Variants in CSPP1 observed in about 807,000 individuals in gnomAD.
The protein encoded by CSPP1 is centrosome and spindle pole associated protein 1.
A neutral mutation model predicts 164.4 loss-of-function variants in CSPP1; 126 were observed. The observed-to-expected ratio is 0.77, with a 90% confidence interval of 0.66 to 0.89. The LOEUF is 0.89. CSPP1 is among the 40% of genes least tolerant of loss of function. The pLI is 0.00. For missense variants in CSPP1, 1,395 were observed against 1,449.8 expected (o/e 0.96, Z 0.61); for synonymous variants, 472 against 476.7 (o/e 0.99, Z 0.13).
At position 67,175,314 on chromosome 8, in the gene CSPP1, A is replaced by C. The variant is rs371720718; in HGVS notation, c.2987A>C (p.Asp996Ala). 1.4e-5 allele frequency: 22 copies of C among 1,611,120 alleles called. No individual in the cohort carries two copies. The African/African-American group carries it at 2.9e-4, about 22-fold the overall frequency. The change falls in exon 26 of 31, where the codon GAT becomes GCT. Residue 996 changes from aspartate (D) to alanine (A), a missense_variant. Physicochemically the swap from Asp to Ala is moderately radical, Grantham distance 126. Transcript: ENST00000678616. ...ATACCAGATTCAGAAACACGAGTTG[A>C]TCTGAAATTTATGTACCTGGATCCT... ...LKDRDSETRV[D>A]LKFMYLDPPR...
intron 16 of CSPP1, chr8:67,135,698 A>C (rs1822114422): frequency 6.6e-6 from 1 of 152,188 alleles, no homozygotes; most frequent in Admixed American, 6.5e-5. Flanking sequence ...CTTTCTTATC[A>C]TTCATATGTT....
At chr8:67,178,383 A>G (rs1256678692) in intron 27 of CSPP1, among the ~76,000 whole-genome samples, 2 of 152,248 alleles carry the variant, frequency 1.3e-5, no homozygotes. Flanking sequence ...TTCAATCAAC[A>G]AATATTTATT....
At chr8:67,082,655 T>C (rs1278889760) in intron 3 of CSPP1, among the ~76,000 whole-genome samples, 2 of 152,228 alleles carry the variant, frequency 1.3e-5, no homozygotes, top group Non-Finnish European at 2.9e-5. Flanking sequence ...ATTTGTTTCA[T>C]AGAGTAATTA....
chr8:67,185,020 G>C (rs1345446409), intron 28 of CSPP1, among the ~76,000 whole-genome samples: 3 of 149,420 alleles, frequency 2.0e-5, no homozygotes, highest in Non-Finnish European at 4.4e-5. Flanking sequence ...CAGGAGAATG[G>C]CGTGAACCCG....
chr8:67,110,483 CCTT>C (rs1289531540), intron 9 of CSPP1, among the ~76,000 whole-genome samples: 1 of 151,896 alleles, frequency 6.6e-6, no homozygotes, highest in Non-Finnish European at 1.5e-5. Flanking sequence ...CAGTTTATAT[CCTT>C]CTTAGTTTGT....
chr8:67,131,639 G>C (rs1821254728), intron 15 of CSPP1, among the ~76,000 whole-genome samples: 1 of 152,140 alleles, frequency 6.6e-6, no homozygotes, highest in African/African-American at 2.4e-5. Flanking sequence ...TATTATTTCT[G>C]TTTGTTCAGG....
intron 3 of CSPP1, among the ~76,000 whole-genome samples, chr8:67,078,187 T>G (rs1808354247): frequency 6.6e-6 from 1 of 152,240 alleles, no homozygotes; most frequent in South Asian, 2.1e-4. Context: ...TGCTTTGGAT[T>G]GGGCTGTGAT....
At chr8:67,188,703 C>T (rs1192174741) in intron 28 of CSPP1, among the ~76,000 whole-genome samples, 1 of 152,210 alleles carries the variant, frequency 6.6e-6, no homozygotes, top group Non-Finnish European at 1.5e-5. Context: ...CTGACTTCCA[C>T]CCCTCCGGAT....
intron 24 of CSPP1, among the ~76,000 whole-genome samples, chr8:67,171,997 G>A (rs1004795797): frequency 6.6e-6 from 1 of 151,548 alleles, no homozygotes; most frequent in South Asian, 2.1e-4. Flanking sequence ...ACAGGTGTGC[G>A]CCATCACACC....
chr8:67,077,212 G>A (rs1052889048), intron 3 of CSPP1, among the ~76,000 whole-genome samples: 1 of 152,084 alleles, frequency 6.6e-6, no homozygotes, highest in Non-Finnish European at 1.5e-5. Flanking sequence ...GGAGTGCAGT[G>A]GCATGATCAT....
chr8:67,173,637 GTCTT>G (rs1405497958), intron 25 of CSPP1: 1 of 151,666 alleles, frequency 6.6e-6, no homozygotes, highest in Non-Finnish European at 1.5e-5. Context: ...ATGTTTTCTA[GTCTT>G]TCTGAGCATA....
intron 13 of CSPP1, among the ~76,000 whole-genome samples, chr8:67,116,865 T>TATA (rs1292471969): frequency 7.2e-5 from 11 of 152,210 alleles, no homozygotes; most frequent in Admixed American, 1.3e-4. Context: ...TGGACTGTAT[T>TATA]ATTTCAGTAG....
intron 24 of CSPP1, among the ~76,000 whole-genome samples, chr8:67,166,422 G>C (rs1423044838): frequency 6.6e-6 from 1 of 152,152 alleles, no homozygotes; most frequent in Non-Finnish European, 1.5e-5. Context: ...TATGTGGTAG[G>C]ATTTTAACAT....
Position 67,195,363 on chromosome 8 carries a change from T to C in CSPP1, c.3470-19T>C, listed in dbSNP as rs1837714881. 6.3e-7 allele frequency: 1 copy of C among 1,582,108 alleles called. No homozygotes were observed. The highest frequency in any genetic ancestry group is 8.7e-7 in the Non-Finnish European group (1 of 1,151,292). On this transcript the variant is annotated intron_variant, in intron 30 of 30. Coordinates refer to ENST00000678616, the MANE Select transcript of CSPP1 (RefSeq NM_001382391.1). ...TGCCACCTGTGTTACCTGAGCCACG[T>C]GTCCCTTGCCTCCTGTAGATGATGA...
At position 67,154,036 on chromosome 8, in the gene CSPP1, C is replaced by T. The variant is rs577752590; in HGVS notation, c.2141C>T (p.Thr714Ile). 9 of 1,586,822 alleles carry T rather than the reference C, an allele frequency of 5.7e-6. No homozygotes were observed. In the East Asian group the frequency reaches 6.7e-5, roughly 12 times the overall value. The change falls in exon 19 of 31, where the codon ACA (threonine) becomes ATA (isoleucine). Residue 714 changes from threonine (T) to isoleucine (I), a missense_variant. Physicochemically the swap from Thr to Ile is moderately conservative, Grantham distance 89. Transcript: ENST00000678616. ...TATTTCTTTCAAGGTCATATGCAAA[C>T]ACAGAGCTCTCCTTTTGCTCGGGGA... ...AANKSSGHMQ[T>I]QSSPFARGNV...
At chr8:67,192,027 T>C (rs1231959516) in intron 29 of CSPP1, among the ~76,000 whole-genome samples, 1 of 152,136 alleles carries the variant, frequency 6.6e-6, no homozygotes, top group Non-Finnish European at 1.5e-5. Flanking sequence ...GTTGTATATT[T>C]TCTTAGGAGA....
intron 14 of CSPP1, 95 bp downstream of exon 14, chr8:67,118,464 C>T (rs1456941737): frequency 2.3e-6 from 3 of 1,289,244 alleles, no homozygotes; most frequent in Non-Finnish European, 3.3e-6. Context: ...ATGAGAAAAG[C>T]ACAACTTTGC....
chr8:67,165,021 C>G (rs754334470), intron 24 of CSPP1, among the ~76,000 whole-genome samples: 1 of 152,194 alleles, frequency 6.6e-6, no homozygotes, highest in Non-Finnish European at 1.5e-5. Flanking sequence ...CAGTTGCTCA[C>G]GCCTGTAATC....
intron 7 of CSPP1, among the ~76,000 whole-genome samples, chr8:67,096,439 T>C (rs1436150380): frequency 6.6e-6 from 1 of 151,672 alleles, no homozygotes; most frequent in Admixed American, 6.6e-5. Context: ...GAGGTGCGCA[T>C]CTGTAATCCC....
Sources: gnomAD v4.1 joint callset for allele counts (sites outside exome capture counted in the v4.1 genomes callset) on GRCh38, gnomAD v4.1.1 for gene constraint, MANE v1.5 for transcripts, NCBI Gene and HGNC (gene_info 2026-07-23, HGNC 2026-07-21) for gene names.